The following NARS2 variants were observed in gnomAD, a reference collection of about 807,000 sequenced individuals.
NARS2 encodes asparaginyl-tRNA synthetase.
NARS2 carries 60 observed loss-of-function variants against 62.9 expected under a neutral mutation model. That is an observed-to-expected ratio of 0.95 (90% confidence interval 0.77 to 1.18). NARS2 has a LOEUF of 1.18. Among genes scored for constraint, NARS2 ranks in the 50% most tolerant of loss-of-function variants. The probability of loss-of-function intolerance (pLI) is 0.00; values close to 1 mark genes in which losing one functional copy is unlikely to be tolerated. For missense variants in NARS2, 619 were observed against 576.4 expected (o/e 1.07, Z -0.76); for synonymous variants, 196 against 200.0 (o/e 0.98, Z 0.17).
At chr11:78,554,749 T>G (rs529193051) in intron 5 of NARS2, among the ~76,000 whole-genome samples, 1 of 152,230 alleles carries the variant, frequency 6.6e-6, no homozygotes, top group Non-Finnish European at 1.5e-5. Context: ...TCTTCCTATT[T>G]AGATGTCCTT....
At chr11:78,440,305 C>T (rs1384609205) in intron 13 of NARS2, among the ~76,000 whole-genome samples, 1 of 152,088 alleles carries the variant, frequency 6.6e-6, no homozygotes, top group African/African-American at 2.4e-5. Flanking sequence ...CTCAAGTGAT[C>T]CACCCACCCA....
Position 78,436,795 on chromosome 11 carries a change from A to G in NARS2, c.1309T>C (p.Phe437Leu). Residue 437 changes from phenylalanine to leucine, a missense_variant, in exon 14 of 14, where the codon TTT becomes CTT. Physicochemically the swap from Phe to Leu is conservative, Grantham distance 22. Coordinates refer to ENST00000281038, the MANE Select transcript of NARS2 (RefSeq NM_024678.6). ...AAACCTCCATGTGGCACAGATCCAA[A>G]TCGACGAAGGTCCAGATACCTGTTT... ...VYQWYLDLRR[F>L]GSVPHGGFGM... The G allele has an allele frequency of 6.2e-7, 1 of 1,614,196 alleles. No homozygotes were observed. Among genetic ancestry groups the G allele is most frequent in the South Asian group, 1.1e-5 (1 of 91,082 alleles).
chr11:78,535,600 C>G (rs117495371), intron 5 of NARS2, among the ~76,000 whole-genome samples: 1 of 151,128 alleles, frequency 6.6e-6, no homozygotes, highest in African/African-American at 2.4e-5. Flanking sequence ...TAAGATACAG[C>G]AGAAATATAA....
At chr11:78,556,977 C>T (rs1856376913) in intron 5 of NARS2, among the ~76,000 whole-genome samples, 1 of 152,202 alleles carries the variant, frequency 6.6e-6, no homozygotes, top group Non-Finnish European at 1.5e-5. Flanking sequence ...TACATCTTTA[C>T]AGCATAGCAT....
At chr11:78,485,812 C>T (rs1025925406) in intron 7 of NARS2, among the ~76,000 whole-genome samples, 1 of 152,164 alleles carries the variant, frequency 6.6e-6, no homozygotes, top group Middle Eastern at 3.2e-3. Context: ...ACTTCTCCAA[C>T]AGAGGAACTG....
chr11:78,515,066 G>T (rs764049869), intron 6 of NARS2, among the ~76,000 whole-genome samples: 1 of 152,198 alleles, frequency 6.6e-6, no homozygotes, highest in African/African-American at 2.4e-5. Context: ...GCTGAGTGAT[G>T]ACCAATATGG....
At chr11:78,485,058 A>T (rs1859513217) in intron 7 of NARS2, among the ~76,000 whole-genome samples, 1 of 152,242 alleles carries the variant, frequency 6.6e-6, no homozygotes, top group South Asian at 2.1e-4. Context: ...ATGCAGCCAT[A>T]AAAAGAATGA....
intron 6 of NARS2, among the ~76,000 whole-genome samples, chr11:78,496,285 T>A (rs115069105): frequency 0.015 from 2,278 of 152,280 alleles, 60 homozygotes; most frequent in African/African-American, 0.052. Context: ...TTATAAGTAA[T>A]AGTAGCAATA....
rs1343213448 is a variant in NARS2 at position 78,565,308 on chromosome 11, G to A, written c.513+824C>T. On this transcript the variant is annotated intron_variant, in intron 4 of 13. Transcript: ENST00000281038. Reference sequence around the variant, plus strand: ...AATATAGATCTATGACCAAGATGGAGAAACAGGAAACCAAAAACACTGTAA... The same window carrying A: ...AATATAGATCTATGACCAAGATGGAAAAACAGGAAACCAAAAACACTGTAA... 2.6e-5 allele frequency among the ~76,000 whole-genome samples: 4 copies of A among 152,154 alleles called. 1 individual carries two copies. The highest frequency in any genetic ancestry group is 9.7e-5 in the African/African-American group (4 of 41,414).
At chr11:78,490,103 C>T (rs115062300) in intron 7 of NARS2, among the ~76,000 whole-genome samples, 2,282 of 152,234 alleles carry the variant, frequency 0.015, 59 homozygotes, top group African/African-American at 0.052. Context: ...ATATTTACGG[C>T]AACTTTGTTC....
At chr11:78,543,404 A>G (rs1036836622) in intron 5 of NARS2, among the ~76,000 whole-genome samples, 6 of 152,326 alleles carry the variant, frequency 3.9e-5, no homozygotes, top group Non-Finnish European at 7.3e-5. Context: ...TTGGCCCTAA[A>G]GAGTATAAAC....
chr11:78,523,395 G>A (rs1388553219), intron 6 of NARS2, among the ~76,000 whole-genome samples: 1 of 152,158 alleles, frequency 6.6e-6, no homozygotes, highest in African/African-American at 2.4e-5. Flanking sequence ...CAGCCTCTGT[G>A]GAAAACAGAC....
intron 6 of NARS2, among the ~76,000 whole-genome samples, chr11:78,509,344 C>T (rs1336853387): frequency 2.0e-5 from 3 of 151,596 alleles, no homozygotes; most frequent in East Asian, 3.9e-4. Context: ...GTGGTCCTGC[C>T]GGGTGAAATG....
chr11:78,443,555 T>C (rs1024123422), intron 12 of NARS2, 106 bp downstream of exon 12: 21 of 621,400 alleles, frequency 3.4e-5, no homozygotes, highest in Middle Eastern at 2.6e-4. Context: ...TCCAGTTCTG[T>C]CAGGCGCCGA....
chr11:78,492,923 A>C, intron 7 of NARS2, 140 bp downstream of exon 7: 1 of 660,802 alleles, frequency 1.5e-6, no homozygotes, highest in Non-Finnish European at 2.5e-6. Context: ...CAGTAAAGGC[A>C]TTCAATAAGT....
chr11:78,475,272 G>A (rs1224449585), intron 9 of NARS2, among the ~76,000 whole-genome samples: 2 of 152,028 alleles, frequency 1.3e-5, no homozygotes, highest in African/African-American at 2.4e-5. Context: ...ATTCCACTGT[G>A]TATATATATA....
intron 5 of NARS2, among the ~76,000 whole-genome samples, chr11:78,556,851 A>G (rs536005607): frequency 1.3e-5 from 2 of 152,346 alleles, no homozygotes; most frequent in East Asian, 1.9e-4. Context: ...CAAAGAGGAA[A>G]ACGTGTACAA....
intron 7 of NARS2, among the ~76,000 whole-genome samples, chr11:78,490,662 T>C (rs902151583): frequency 6.6e-6 from 1 of 151,878 alleles, no homozygotes; most frequent in Non-Finnish European, 1.5e-5. Context: ...TAGCTGGGCA[T>C]GTGGTGTGTG....
intron 7 of NARS2, among the ~76,000 whole-genome samples, chr11:78,478,936 A>C (rs764850239): frequency 5.3e-4 from 80 of 152,296 alleles, no homozygotes; most frequent in African/African-American, 1.6e-3. Context: ...AAGAAGTGAG[A>C]TGTCAAATGA....
Sources: allele counts gnomAD v4.1 joint callset (sites outside exome capture counted in the v4.1 genomes callset), GRCh38; gene constraint gnomAD v4.1.1; transcripts MANE v1.5; gene names NCBI Gene and HGNC (gene_info 2026-07-23, HGNC 2026-07-21).